The following SUGP1 variants were observed in gnomAD, a reference collection of about 807,000 sequenced individuals.
The protein encoded by SUGP1 is SURP and G-patch domain-containing protein 1.
Under a neutral mutation model 76.5 loss-of-function variants are expected in SUGP1, and 34 were observed. That is an observed-to-expected ratio of 0.44 (90% CI 0.34 to 0.59). The LOEUF (loss-of-function observed/expected upper bound fraction) is 0.59. Among genes scored for constraint, SUGP1 ranks in the 20% least tolerant of loss-of-function variants. SUGP1 has a pLI of 0.01. For synonymous variants in SUGP1, 326 were observed against 326.2 expected (o/e 1.00, Z 0.01); for missense variants, 752 against 851.7 (o/e 0.88, Z 1.46).
chr19:19,298,742 T>C (rs1027375269), intron 7 of SUGP1, among the ~76,000 whole-genome samples: 22 of 152,122 alleles, frequency 1.4e-4, no homozygotes, highest in Non-Finnish European at 2.1e-4. Flanking sequence ...TTGGTCAGAT[T>C]TGGAAAAGAC....
chr19:19,288,028 A>G (rs1206978150), intron 8 of SUGP1, among the ~76,000 whole-genome samples: 1 of 152,168 alleles, frequency 6.6e-6, no homozygotes, highest in Non-Finnish European at 1.5e-5. Flanking sequence ...CTTCATAAAT[A>G]GTCAATATAT....
Position 19,304,575 on chromosome 19 carries a change from T to C in SUGP1, c.539-728A>G, listed in dbSNP as rs1302453990. Among the ~76,000 whole-genome samples, 4 of 152,252 alleles carry C rather than the reference T, an allele frequency of 2.6e-5. No homozygotes were observed. The East Asian group carries it at 7.7e-4, about 29-fold the overall frequency. On this transcript the variant is annotated intron_variant, in intron 4 of 13. Coordinates refer to ENST00000247001, the MANE Select transcript of SUGP1 (RefSeq NM_172231.4). ...CAGTGAACAGAGCTATAAAGATATATTTTTATATACGGATTAGCCTCCCCA... is the reference window on the plus strand; with the variant it reads ...CAGTGAACAGAGCTATAAAGATATACTTTTATATACGGATTAGCCTCCCCA...
At chr19:19,295,636 G>A (rs2061219553) in intron 8 of SUGP1, among the ~76,000 whole-genome samples, 3 of 140,444 alleles carry the variant, frequency 2.1e-5, no homozygotes, top group Non-Finnish European at 4.6e-5. Flanking sequence ...AAAAGAACCC[G>A]ACGGCAGAGG....
chr19:19,320,454 G>C lies in SUGP1; in HGVS notation c.34+9C>G, dbSNP rs769468191. 1 of 1,610,376 alleles carries C rather than the reference G, an allele frequency of 6.2e-7. No individual in the cohort carries two copies. The highest frequency in any genetic ancestry group is 1.7e-5 in the Admixed American group (1 of 59,416). The stretch of plus-strand genomic sequence containing the variant: ...AGGCGGCCGCCTGAGAGGAGGCGGG[G>C]GCTGTTACCTGCAACATCCCGGTTG... On this transcript the variant is annotated intron_variant, in intron 1 of 13. Transcript: ENST00000247001.
chr19:19,318,113 C>CTTTT (rs1192437542), intron 1 of SUGP1, among the ~76,000 whole-genome samples: 19 of 97,664 alleles, frequency 1.9e-4, no homozygotes, highest in South Asian at 3.5e-4. Flanking sequence ...ACCCAGCCTT[C>CTTTT]TTTTTTTTTT....
At chr19:19,278,902 C>A in intron 10 of SUGP1, 106 bp from the exon 11 acceptor site, 4 of 1,239,668 alleles carry the variant, frequency 3.2e-6, no homozygotes, top group Non-Finnish European at 4.6e-6. Flanking sequence ...AGCCTGGGGC[C>A]CCCAGGGAAG....
chr19:19,291,777 T>C (rs907278723), intron 8 of SUGP1, among the ~76,000 whole-genome samples: 6 of 151,322 alleles, frequency 4.0e-5, no homozygotes, highest in East Asian at 1.9e-4. Flanking sequence ...CCTGTAGTCC[T>C]AGCTACTCAG....
intron 4 of SUGP1, chr19:19,304,111 A>G: frequency 7.7e-7 from 1 of 1,296,680 alleles, no homozygotes; most frequent in Non-Finnish European, 1.0e-6. Flanking sequence ...AAATATATCC[A>G]GCTTCCCCTG....
At chr19:19,299,395 C>T (rs559721990) in intron 7 of SUGP1, among the ~76,000 whole-genome samples, 2 of 151,814 alleles carry the variant, frequency 1.3e-5, no homozygotes, top group Middle Eastern at 3.2e-3. Flanking sequence ...TTTTCTGAGA[C>T]GGAGTCTTGC....
rs2061235248 is a variant in SUGP1 at position 19,297,314 on chromosome 19, G to A, written c.918C>T (p.Tyr306=). 2 of 1,529,202 alleles carry A rather than the reference G, an allele frequency of 1.3e-6. No homozygotes were observed. The highest frequency in any genetic ancestry group is 1.4e-5 in the African/African-American group (1 of 72,436). The allele number at this position is 1,529,202 out of a possible 1,614,324, so 94.7% of individuals were successfully genotyped here. A position where few individuals can be genotyped will look rare whatever the true frequency, so the allele number is the denominator to read the frequency against. Residue 306 remains tyrosine, a synonymous_variant, in exon 8 of 14, where the codon TAC becomes TAT. Coordinates refer to ENST00000247001, the MANE Select transcript of SUGP1 (RefSeq NM_172231.4). ...SFLYEPNSQG[Y]KYYRQKLEEF... ...CCTCCAGCTTCTGTCGGTAGTACTT[G>A]TACCCTTGGCTATTGGGCTCATACA...
intron 8 of SUGP1, among the ~76,000 whole-genome samples, chr19:19,293,634 T>C (rs575530073): frequency 3.3e-5 from 5 of 151,282 alleles, no homozygotes; most frequent in Non-Finnish European, 7.4e-5. Context: ...AGCCCATATA[T>C]AAAAAACACA....
At chr19:19,307,950 C>G (rs2061328796) in intron 3 of SUGP1, among the ~76,000 whole-genome samples, 1 of 152,190 alleles carries the variant, frequency 6.6e-6, no homozygotes, top group Admixed American at 6.5e-5. Context: ...CAGGCGTGAG[C>G]CACTGTGCCC....
At chr19:19,302,455 C>G (rs767654123) in intron 6 of SUGP1, 67 bp from the exon 7 acceptor site, 39 of 1,574,746 alleles carry the variant, frequency 2.5e-5, no homozygotes, top group South Asian at 8.1e-5. Flanking sequence ...TGCTAAGAAC[C>G]CCAAGGGCAA....
intron 8 of SUGP1, among the ~76,000 whole-genome samples, chr19:19,281,816 C>A (rs1375309044): frequency 2.0e-5 from 3 of 152,178 alleles, no homozygotes; most frequent in Non-Finnish European, 4.4e-5. Context: ...CTGCAGAATG[C>A]AATGACAAGA....
chr19:19,277,204 A>G, intron 12 of SUGP1, 128 bp from the exon 13 acceptor site: 1 of 794,698 alleles, frequency 1.3e-6, no homozygotes, highest in Non-Finnish European at 1.7e-6. Flanking sequence ...CTGCACAGAG[A>G]GAAGCTTGAA....
intron 8 of SUGP1, among the ~76,000 whole-genome samples, chr19:19,282,921 CA>C (rs1267785838): frequency 3.3e-5 from 5 of 151,964 alleles, no homozygotes; most frequent in Admixed American, 1.3e-4. Flanking sequence ...ACTAAAAATA[CA>C]AAAAATTAGC....
intron 13 of SUGP1, 88 bp downstream of exon 13, chr19:19,276,859 C>A: frequency 6.3e-7 from 1 of 1,579,852 alleles, no homozygotes; most frequent in South Asian, 1.2e-5. Context: ...CCCAGCCTGG[C>A]TGGACTGAGG....
chr19:19,311,466 G>A (rs1328093854), intron 2 of SUGP1, among the ~76,000 whole-genome samples: 3 of 151,888 alleles, frequency 2.0e-5, no homozygotes, highest in Admixed American at 2.0e-4. Flanking sequence ...GGTGGCTCAC[G>A]CCTGTAATCC....
chr19:19,299,023 G>A (rs2061250790), intron 7 of SUGP1, among the ~76,000 whole-genome samples: 1 of 152,218 alleles, frequency 6.6e-6, no homozygotes, highest in Admixed American at 6.5e-5. Context: ...GAACACGGCT[G>A]GGTGCACCAC....
Sources: allele counts gnomAD v4.1 joint callset (sites outside exome capture counted in the v4.1 genomes callset), GRCh38; gene constraint gnomAD v4.1.1; transcripts MANE v1.5; gene names NCBI Gene and HGNC (gene_info 2026-07-23, HGNC 2026-07-21).